ESR1: variants seen among roughly 807,000 people sequenced by gnomAD.
The protein encoded by ESR1 is estrogen receptor.
ESR1 carries 12 observed loss-of-function variants against 52.7 expected under a neutral mutation model. That is an observed-to-expected ratio of 0.23 (90% CI 0.15 to 0.37). ESR1 has a LOEUF of 0.37. ESR1 is among the 10% of genes least tolerant of loss of function. The pLI is 1.00. For missense variants in ESR1, 584 were observed against 779.7 expected (o/e 0.75, Z 2.99); for synonymous variants, 305 against 316.8 (o/e 0.96, Z 0.39).
chr6:152,035,540 A>G (rs902754014), intron 5 of ESR1, among the ~76,000 whole-genome samples: 12 of 152,148 alleles, frequency 7.9e-5, no homozygotes, highest in Non-Finnish European at 1.2e-4. Flanking sequence ...TGCGTGTCCA[A>G]TCAATATATT....
rs144665574 is a variant in ESR1, at chr6:151,989,951, G to A, written c.1097-21705G>A. ...TGTCCTCCAATTTGTGTTTCTTTCC[G>A]TGTACAAATATGCATCATCTACCAT... is the stretch of plus-strand genomic sequence containing the variant. On this transcript the variant is annotated intron_variant, in intron 4 of 7. Transcript: ENST00000206249. Among the ~76,000 whole-genome samples, 49 of 151,938 alleles carry A rather than the reference G, an allele frequency of 3.2e-4. No individual in the cohort carries two copies. The East Asian group carries it at 6.8e-3, about 21-fold the overall frequency.
intron 6 of ESR1, chr6:152,122,251 C>A: frequency 1.2e-6 from 1 of 857,344 alleles, no homozygotes; most frequent in South Asian, 1.6e-5. Context: ...CTGTTTGTTC[C>A]CCCGTCACTG....
intron 4 of ESR1, among the ~76,000 whole-genome samples, chr6:151,984,737 C>A (rs555541002): frequency 6.6e-6 from 1 of 152,198 alleles, no homozygotes; most frequent in South Asian, 2.1e-4. Flanking sequence ...GCTTTTATGA[C>A]CCTTGTTTCT....
At chr6:151,688,405 C>T (rs7764773), upstream of ESR1, among the ~76,000 whole-genome samples, 391 of 152,246 alleles carry the variant, frequency 2.6e-3, no homozygotes, top group African/African-American at 8.3e-3. Context: ...GAACCCTGGC[C>T]GCAGCTGGTA....
At chr6:151,728,212 T>C (rs1257712171) in intron 2 of ESR1, among the ~76,000 whole-genome samples, 1 of 152,194 alleles carries the variant, frequency 6.6e-6, no homozygotes, top group Non-Finnish European at 1.5e-5. Flanking sequence ...GAGGATGATG[T>C]TCTATTTACC....
intron 2 of ESR1, among the ~76,000 whole-genome samples, chr6:151,742,563 C>G (rs1161567679): frequency 1.3e-5 from 2 of 152,202 alleles, no homozygotes; most frequent in Non-Finnish European, 2.9e-5. Flanking sequence ...CCTGCCAGTT[C>G]CTAACTGCGG....
At chr6:151,842,852 A>C in intron 2 of ESR1, 65 bp downstream of exon 2, 2 of 1,404,422 alleles carry the variant, frequency 1.4e-6, no homozygotes, top group Non-Finnish European at 2.0e-6. Flanking sequence ...AGCCAAAGCG[A>C]CTGAGGAAGG....
intron 1 of ESR1, among the ~76,000 whole-genome samples, chr6:151,836,886 C>G (rs922352285): frequency 1.3e-5 from 2 of 152,124 alleles, no homozygotes; most frequent in Non-Finnish European, 2.9e-5. Context: ...CCTTTAAAAA[C>G]CAAGGCTTCT....
chr6:151,938,768 T>C lies in ESR1; in HGVS notation c.761-5405T>C, dbSNP rs193099268. ...ATTGATTGTTACTAAGTAGAAATTT[T>C]ATACTGAGCCTTTCTAAATCCTTAC... On this transcript the variant is annotated intron_variant, in intron 3 of 7. Coordinates refer to ENST00000206249, the MANE Select transcript of ESR1 (RefSeq NM_000125.4). 2.0e-3 allele frequency among the ~76,000 whole-genome samples: 312 copies of C among 152,298 alleles called. 1 individual carries two copies. The highest frequency in any genetic ancestry group is 5.6e-3 in the African/African-American group (234 of 41,574).
intron 6 of ESR1, among the ~76,000 whole-genome samples, chr6:152,077,905 T>A (rs1187982302): frequency 1.3e-5 from 2 of 152,168 alleles, no homozygotes; most frequent in African/African-American, 4.8e-5. Flanking sequence ...TTGTCTCAGA[T>A]GAGACTTTGG....
intron 4 of ESR1, among the ~76,000 whole-genome samples, chr6:151,960,983 A>C (rs2037588413): frequency 6.6e-6 from 1 of 152,208 alleles, no homozygotes; most frequent in Non-Finnish European, 1.5e-5. Context: ...ACAATGATAA[A>C]AGTTGAGTCA....
intron 4 of ESR1, among the ~76,000 whole-genome samples, chr6:151,948,039 C>T (rs2035906832): frequency 6.6e-6 from 1 of 152,018 alleles, no homozygotes; most frequent in Non-Finnish European, 1.5e-5. Context: ...TCTTAATTTA[C>T]TATTATTTTA....
intron 1 of ESR1, among the ~76,000 whole-genome samples, chr6:151,698,708 A>G (rs1487150436): frequency 2.0e-5 from 3 of 152,200 alleles, no homozygotes; most frequent in Non-Finnish European, 4.4e-5. Context: ...CGGGAGGGAA[A>G]AAGGCCAAAC....
chr6:151,874,414 GT>G (rs540564518), intron 2 of ESR1, among the ~76,000 whole-genome samples: 21 of 152,238 alleles, frequency 1.4e-4, no homozygotes, highest in South Asian at 8.3e-4. Flanking sequence ...ACTTTGAAAT[GT>G]GCCAATTCAA....
chr6:152,035,819 G>A (rs1023851187), intron 5 of ESR1, among the ~76,000 whole-genome samples: 2 of 151,852 alleles, frequency 1.3e-5, no homozygotes, highest in Admixed American at 6.6e-5. Context: ...GAGAACAGAG[G>A]AACTAGTAAG....
chr6:151,731,601 C>T (rs1782252245), intron 2 of ESR1, among the ~76,000 whole-genome samples: 1 of 152,042 alleles, frequency 6.6e-6, no homozygotes, highest in Non-Finnish European at 1.5e-5. Context: ...TATAAACCCT[C>T]AGAGAGTTTA....
chr6:151,995,343 A>G lies in ESR1; in HGVS notation c.1097-16313A>G, dbSNP rs372664933. On this transcript the variant is annotated intron_variant, in intron 4 of 7. Coordinates refer to ENST00000206249, the MANE Select transcript of ESR1 (RefSeq NM_000125.4). ...TATCTGTCCATCCAGTCATCCATCC[A>G]TCCTTCCATCCATTCGTCTATTCAT... 1.6e-3 allele frequency among the ~76,000 whole-genome samples: 241 copies of G among 152,090 alleles called. 5 individuals are homozygous for G. The highest frequency in any genetic ancestry group is 5.6e-3 in the African/African-American group (232 of 41,504).
intron 1 of ESR1, among the ~76,000 whole-genome samples, chr6:151,819,141 G>A (rs1780148410): frequency 6.6e-6 from 1 of 152,150 alleles, no homozygotes; most frequent in Non-Finnish European, 1.5e-5. Context: ...CAGAAGTCAA[G>A]GTTCAGCTCA....
Position 151,793,462 on chromosome 6 carries a change from TAGTAA to T in ESR1, c.-70-14374_-70-14370del, listed in dbSNP as rs777648231. 4.6e-5 allele frequency among the ~76,000 whole-genome samples: 7 copies of T among 152,148 alleles called. No individual in the cohort carries two copies. In the South Asian group the frequency reaches 1.2e-3, roughly 27 times the overall value. On this transcript the variant is annotated intron_variant, in intron 2 of 2. Transcript: ENST00000404742. ...TACACTAAAATAATGATAAAAACTG[TAGTAA>T]AGTAAATATATAAATTAGTCATATA... is the stretch of plus-strand genomic sequence containing the variant.
Sources: allele counts gnomAD v4.1 joint callset (sites outside exome capture counted in the v4.1 genomes callset), GRCh38; gene constraint gnomAD v4.1.1; transcripts MANE v1.5; gene names NCBI Gene and HGNC (gene_info 2026-07-23, HGNC 2026-07-21).